NRG1: variants seen among roughly 807,000 people sequenced by gnomAD.
The protein encoded by NRG1 is pro-neuregulin-1, membrane-bound isoform.
In NRG1, 18 loss-of-function variants were observed where a neutral mutation model predicts 63.8. That is an observed-to-expected ratio of 0.28 (90% CI 0.19 to 0.42). The LOEUF is 0.42. Ranked by LOEUF, NRG1 falls within the 10% of genes least tolerant of loss-of-function variation. The pLI, the probability that NRG1 is intolerant of heterozygous loss-of-function variation, is 1.00. For missense variants in NRG1, 762 were observed against 814.7 expected (o/e 0.94, Z 0.79); for synonymous variants, 302 against 301.3 (o/e 1.00, Z -0.02).
chr8:31,688,777 A>G (rs1308967372), intron 1 of NRG1, among the ~76,000 whole-genome samples: 1 of 152,202 alleles, frequency 6.6e-6, no homozygotes, highest in Non-Finnish European at 1.5e-5. Context: ...TTTGTTTTGT[A>G]TGCTCAGTTT....
chr8:32,547,487 G>C (rs537697072), upstream of NRG1, among the ~76,000 whole-genome samples: 1 of 152,150 alleles, frequency 6.6e-6, no homozygotes, highest in South Asian at 2.1e-4. Flanking sequence ...CAGTTCCTCT[G>C]AAAATTAAGT....
intron 1 of NRG1, among the ~76,000 whole-genome samples, chr8:32,480,382 C>T (rs951427131): frequency 1.3e-5 from 2 of 149,828 alleles, no homozygotes; most frequent in Non-Finnish European, 3.0e-5. Context: ...TGATCTATTG[C>T]ACAGCATGGT....
chr8:32,248,316 C>G (rs1438495977), intron 1 of NRG1, among the ~76,000 whole-genome samples: 1 of 152,012 alleles, frequency 6.6e-6, no homozygotes, highest in Non-Finnish European at 1.5e-5. Flanking sequence ...CTTTTTGTAA[C>G]ACACTAGTGG....
At chr8:32,066,939 T>C (rs562035835) in intron 1 of NRG1, among the ~76,000 whole-genome samples, 1,926 of 152,174 alleles carry the variant, frequency 0.013, 44 homozygotes, top group African/African-American at 0.043. Context: ...TATTTTATTC[T>C]CTTTGAAGCA....
intron 1 of NRG1, among the ~76,000 whole-genome samples, chr8:32,305,340 G>C (rs1856063434): frequency 6.6e-6 from 1 of 151,772 alleles, no homozygotes; most frequent in East Asian, 1.9e-4. Context: ...TTATATTTTA[G>C]AAATAATTCT....
intron 1 of NRG1, among the ~76,000 whole-genome samples, chr8:32,445,018 T>C (rs1397265170): frequency 1.3e-5 from 2 of 152,200 alleles, no homozygotes; most frequent in South Asian, 4.1e-4. Context: ...GTAGCCATTA[T>C]GGGATGTTTT....
chr8:32,198,756 C>G (rs1044575674), intron 1 of NRG1, among the ~76,000 whole-genome samples: 5 of 152,104 alleles, frequency 3.3e-5, no homozygotes, highest in African/African-American at 9.7e-5. Context: ...TGACAGGGCT[C>G]TCTTATTCTT....
chr8:32,712,488 A>G (rs1432054199), intron 5 of NRG1, among the ~76,000 whole-genome samples: 1 of 152,198 alleles, frequency 6.6e-6, no homozygotes, highest in Non-Finnish European at 1.5e-5. Context: ...CAATCTTTAA[A>G]TAATTTTTAA....
At chr8:32,015,840 G>T (rs1342452315) in intron 1 of NRG1, among the ~76,000 whole-genome samples, 1 of 149,476 alleles carries the variant, frequency 6.7e-6, no homozygotes, top group African/African-American at 2.5e-5. Context: ...CAACGTAGAA[G>T]TTTTCTCTTG....
At chr8:32,772,980 A>G (rs943069245) in intron 7 of NRG1, among the ~76,000 whole-genome samples, 1 of 152,066 alleles carries the variant, frequency 6.6e-6, no homozygotes, top group African/African-American at 2.4e-5. Context: ...TTGCAAAACA[A>G]AGGCCTCCTT....
chr8:32,066,896 T>C (rs1434558327), intron 1 of NRG1, among the ~76,000 whole-genome samples: 1 of 151,974 alleles, frequency 6.6e-6, no homozygotes, highest in African/African-American at 2.4e-5. Context: ...CTTGAAGAGG[T>C]CCTTCACATC....
intron 5 of NRG1, among the ~76,000 whole-genome samples, chr8:32,639,335 G>A (rs1041932689): frequency 6.6e-6 from 1 of 152,174 alleles, no homozygotes; most frequent in Non-Finnish European, 1.5e-5. Context: ...GAACCTGGGA[G>A]GTGGAGGCTG....
intron 1 of NRG1, among the ~76,000 whole-genome samples, chr8:32,541,003 T>G (rs1832522446): frequency 1.3e-5 from 2 of 152,242 alleles, no homozygotes; most frequent in African/African-American, 2.4e-5. Context: ...TTGTTAATAC[T>G]TGTGAAATTC....
chr8:32,749,234 A>C (rs1200450636), intron 7 of NRG1: 1 of 307,832 alleles, frequency 3.2e-6, no homozygotes, highest in East Asian at 6.4e-5. Flanking sequence ...TCTGATTATA[A>C]AGATAATCTT....
At chr8:32,598,150 G>A (rs568775963) in intron 2 of NRG1, among the ~76,000 whole-genome samples, 7 of 152,204 alleles carry the variant, frequency 4.6e-5, no homozygotes, top group African/African-American at 1.4e-4. Flanking sequence ...GCCCAGGGGC[G>A]GGGGTCATAA....
At chr8:31,711,853 C>A (rs968017407) in intron 1 of NRG1, among the ~76,000 whole-genome samples, 12 of 152,138 alleles carry the variant, frequency 7.9e-5, no homozygotes, top group African/African-American at 2.9e-4. Flanking sequence ...ATGGAAGGAG[C>A]AAAGAAACCT....
At chr8:31,936,147 A>G (rs1403603937) in intron 1 of NRG1, among the ~76,000 whole-genome samples, 6 of 152,226 alleles carry the variant, frequency 3.9e-5, no homozygotes. Flanking sequence ...ATGCTAAAAT[A>G]TCTTCCTCTA....
rs183354771 is a variant in NRG1 at position 31,779,975 on chromosome 8, C to T, written c.37+140544C>T. Among the ~76,000 whole-genome samples, 63 of 152,280 alleles carry T rather than the reference C, an allele frequency of 4.1e-4. 1 individual carries two copies. The highest frequency in any genetic ancestry group is 1.2e-3 in the African/African-American group (49 of 41,576). ...GGATTACAACATAAACAAGAACCAA[C>T]GAGAATACATCAGTGCCAGAATGAT... On this transcript the variant is annotated intron_variant, in intron 1 of 10. Transcript: ENST00000519301.
chr8:32,428,355 T>TC, intron 1 of NRG1, among the ~76,000 whole-genome samples: 1 of 151,972 alleles, frequency 6.6e-6, no homozygotes, highest in East Asian at 1.9e-4. Context: ...TTTTTTTTTT[T>TC]CTTCCTTACA....
Sources: gnomAD v4.1 joint callset for allele counts (sites outside exome capture counted in the v4.1 genomes callset) on GRCh38, gnomAD v4.1.1 for gene constraint, MANE v1.5 for transcripts, NCBI Gene and HGNC (gene_info 2026-07-23, HGNC 2026-07-21) for gene names.